SETD1B: variants seen among roughly 807,000 people sequenced by gnomAD.
The protein encoded by SETD1B is histone-lysine N-methyltransferase SETD1B.
In SETD1B, 7 loss-of-function variants were observed where a neutral mutation model predicts 148.0. The ratio of observed to expected loss-of-function variants is 0.05; its 90% CI spans 0.03 to 0.09. The LOEUF is 0.09. Among genes scored for constraint, SETD1B ranks in the 10% least tolerant of loss-of-function variants. The probability of loss-of-function intolerance (pLI) is 1.00; values close to 1 mark genes in which losing one functional copy is unlikely to be tolerated. For synonymous variants in SETD1B, 1,361 were observed against 1,186.5 expected, an observed-to-expected ratio of 1.15 and a Z score of -3.02; for missense variants, 2,155 against 2,729.9, an observed-to-expected ratio of 0.79 and a Z score of 4.69.
At chr12:121,807,308 G>A (rs1380968149) in intron 4 of SETD1B, among the ~76,000 whole-genome samples, 1 of 151,930 alleles carries the variant, frequency 6.6e-6, no homozygotes, top group South Asian at 2.1e-4. Flanking sequence ...GTCTCTGGGG[G>A]TTGGGGGGGC....
intron 13 of SETD1B, among the ~76,000 whole-genome samples, chr12:121,826,681 G>A (rs1464178381): frequency 6.6e-6 from 1 of 152,086 alleles, no homozygotes; most frequent in Non-Finnish European, 1.5e-5. Context: ...GGGGTCCTGA[G>A]GGCAGACTGT....
chr12:121,816,881 C>T (rs1876315227), intron 7 of SETD1B, among the ~76,000 whole-genome samples, 152 bp from the exon 8 acceptor site: 1 of 152,174 alleles, frequency 6.6e-6, no homozygotes, highest in Non-Finnish European at 1.5e-5. Context: ...TCGTGGGTAA[C>T]GGCATAGTGT....
At chr12:121,801,983 C>G (rs1875389855), upstream of SETD1B, 1 of 152,140 alleles carries the variant, frequency 6.6e-6, no homozygotes, top group Admixed American at 6.6e-5. Context: ...AATCTAGTTT[C>G]CTGTGACGGC....
Position 121,810,719 on chromosome 12 carries a change from C to A in SETD1B, c.1774C>A (p.Pro592Thr). ...EDEELDLGLGPRPPPEPGPPD... is the reference protein window; with the variant it reads ...EDEELDLGLGTRPPPEPGPPD... ...CGAGGAGCTCGACCTGGGCCTTGGG[C>A]CTCGGCCTCCACCTGAGCCAGGCCC... The change falls in exon 6 of 17, where the codon CCT (proline) becomes ACT (threonine). Residue 592 changes from proline (P) to threonine (T), a missense_variant. Physicochemically the swap from Pro to Thr is conservative, Grantham distance 38. Transcript: ENST00000604567. The surrounding 1 kb of genome is among the most constrained non-coding windows in gnomAD (Gnocchi z 7.6). 1.9e-6 allele frequency: 3 copies of A among 1,551,288 alleles called. No homozygotes were observed. The highest frequency in any genetic ancestry group is 1.7e-6 in the Non-Finnish European group (2 of 1,146,926).
intron 7 of SETD1B, 104 bp downstream of exon 7, chr12:121,815,034 G>A (rs547948767): frequency 4.8e-5 from 53 of 1,093,582 alleles, no homozygotes; most frequent in African/African-American, 2.5e-4. Flanking sequence ...AAACGCTGCC[G>A]TGGACCCCAC....
intron 13 of SETD1B, among the ~76,000 whole-genome samples, chr12:121,826,719 T>A (rs1229705230): frequency 2.0e-5 from 3 of 151,982 alleles, no homozygotes; most frequent in African/African-American, 7.3e-5. Context: ...CCAGACCGGA[T>A]GTGCCGGACT....
Position 121,818,275 on chromosome 12 carries a change from G to GTGATA in SETD1B, c.3418+371_3418+372insTGATA, listed in dbSNP as rs572145505. Among the ~76,000 whole-genome samples, 45 of 152,276 alleles carry GTGATA rather than the reference G, an allele frequency of 3.0e-4. 1 individual carries two copies. The East Asian group carries it at 7.5e-3, about 25-fold the overall frequency. ...TGCTGGAATTATCACTTTGTAACGA[G>GTGATA]CAGTTGGCCGGACGCAGTGGCTTAC... On this transcript the variant is annotated intron_variant, in intron 10 of 16. Transcript: ENST00000604567.
rs1355294839 is a variant in SETD1B, at chr12:121,808,744, G to C, written c.657+424G>C. Among the ~76,000 whole-genome samples the C allele has an allele frequency of 6.6e-6, 1 of 152,228 alleles. No individual in the cohort carries two copies. The highest frequency in any genetic ancestry group is 1.5e-5 in the Non-Finnish European group (1 of 68,040). ...TTCATGCCCTGCCTTCCAGAGCAAG[G>C]CTGACTCCTTCCAAACCACTGCCTT... On this transcript the variant is annotated intron_variant, in intron 5 of 16. Coordinates refer to ENST00000604567, the MANE Select transcript of SETD1B (RefSeq NM_001353345.2). This position sits in a 1 kb window ranked among gnomAD's most constrained non-coding sequence, Gnocchi z 5.3.
chr12:121,799,540 A>G (rs999115760), upstream of SETD1B: 1 of 152,298 alleles, frequency 6.6e-6, no homozygotes, highest in East Asian at 1.9e-4. Flanking sequence ...AGTAGGCGGC[A>G]CCCAGGGCCC....
In SETD1B at chr12:121,817,745, C is replaced by T. The variant is rs771862930; in HGVS notation, c.3312+41C>T. 72 of 1,535,992 alleles carry T rather than the reference C, an allele frequency of 4.7e-5. No homozygotes were observed. The highest frequency in any genetic ancestry group is 3.6e-4 in the Admixed American group (18 of 50,192). ...GGAAGCCTCAGGGGGCCGGGCCAGGCGACGAGGGCCAGACCCTTCGGCTCA... is the reference window on the plus strand; with the variant it reads ...GGAAGCCTCAGGGGGCCGGGCCAGGTGACGAGGGCCAGACCCTTCGGCTCA... On this transcript the variant is annotated intron_variant, in intron 9 of 16. Coordinates refer to ENST00000604567, the MANE Select transcript of SETD1B (RefSeq NM_001353345.2). This position sits in a 1 kb window ranked among gnomAD's most constrained non-coding sequence, Gnocchi z 8.1.
In SETD1B at chr12:121,827,958, G is replaced by A. The variant is rs1196752968; in HGVS notation, c.5615G>A (p.Arg1872His). 12 of 1,551,938 alleles carry A rather than the reference G, an allele frequency of 7.7e-6. No individual in the cohort carries two copies. The highest frequency in any genetic ancestry group is 3.6e-5 in the South Asian group (3 of 84,072). ...RQVIADMREK[R>H]YEDEGIGSSY... The stretch of plus-strand genomic sequence containing the variant: ...GTGATCGCAGACATGCGGGAGAAGC[G>A]TTATGAGGACGAGGGCATCGGGAGC... The change falls in exon 16 of 17, where the codon CGT becomes CAT. Residue 1872 changes from arginine to histidine, a missense_variant. Physicochemically the swap from Arg to His is conservative, Grantham distance 29. Transcript: ENST00000604567.
intron 6 of SETD1B, among the ~76,000 whole-genome samples, chr12:121,811,397 C>T (rs1177997143): frequency 1.3e-5 from 2 of 151,034 alleles, no homozygotes; most frequent in Admixed American, 1.3e-4. Flanking sequence ...CCCTTCTTCT[C>T]CCACTGGCTC....
At chr12:121,793,169 T>G in the SETD1B span, 2 of 1,550,198 alleles carry the variant, frequency 1.3e-6, no homozygotes, top group Admixed American at 2.0e-5. Flanking sequence ...GTCGTAGAGG[T>G]TCAGGGTCAC....
intron 16 of SETD1B, among the ~76,000 whole-genome samples, chr12:121,829,524 C>T (rs1349381829): frequency 6.6e-6 from 1 of 152,202 alleles, no homozygotes; most frequent in Non-Finnish European, 1.5e-5. Flanking sequence ...CCAGGGCTGC[C>T]ACTGGCAGAC....
In SETD1B at chr12:121,810,037, C is replaced by T. The variant is rs954293432; in HGVS notation, c.1092C>T (p.Ser364=). ...FGAVGGTGGS[S]GPPFKAQPQD... is the part of the protein sequence containing the mutation. Reference sequence around the variant, plus strand: ...CAGTCGGCGGCACTGGGGGCAGCAGCGGTCCCCCGTTCAAGGCTCAACCAC... The same window carrying T: ...CAGTCGGCGGCACTGGGGGCAGCAGTGGTCCCCCGTTCAAGGCTCAACCAC... Residue 364 remains serine (S), a synonymous_variant, in exon 6 of 17, where the codon AGC becomes AGT. Transcript: ENST00000604567. The surrounding 1 kb of genome is among the most constrained non-coding windows in gnomAD (Gnocchi z 7.6). 1.7e-5 allele frequency: 26 copies of T among 1,550,146 alleles called. No individual in the cohort carries two copies. The highest frequency in any genetic ancestry group is 5.5e-5 in the African/African-American group (4 of 73,004).
chr12:121,826,110 T>G (rs970477050), intron 13 of SETD1B, among the ~76,000 whole-genome samples: 1 of 152,130 alleles, frequency 6.6e-6, no homozygotes, highest in Non-Finnish European at 1.5e-5. Flanking sequence ...GGGGTCTCAC[T>G]CTGTAGCCCA....
intron 13 of SETD1B, among the ~76,000 whole-genome samples, chr12:121,826,148 C>T (rs1052432878): frequency 2.0e-5 from 3 of 152,050 alleles, no homozygotes; most frequent in Admixed American, 1.3e-4. Context: ...TGGGCTCAAG[C>T]GATCCTCCCG....
chr12:121,828,763 C>T (rs192509905), intron 16 of SETD1B, among the ~76,000 whole-genome samples: 10 of 152,288 alleles, frequency 6.6e-5, no homozygotes, highest in Admixed American at 4.6e-4. Context: ...GTCTCTTATG[C>T]CTGAGTTTCC....
rs980270646 is a variant in SETD1B, at chr12:121,805,499, G to A, written c.273+283G>A. On this transcript the variant is annotated intron_variant, in intron 3 of 16. Coordinates refer to ENST00000604567, the MANE Select transcript of SETD1B (RefSeq NM_001353345.2). The surrounding 1 kb of genome is among the most constrained non-coding windows in gnomAD (Gnocchi z 4.2). ...CTCCCCTCTCGCTAGCCCACTACAGGACAACTTCTTAAGCCTGAGGGGTCG... is the reference window on the plus strand; with the variant it reads ...CTCCCCTCTCGCTAGCCCACTACAGAACAACTTCTTAAGCCTGAGGGGTCG... 3.3e-5 allele frequency among the ~76,000 whole-genome samples: 5 copies of A among 152,176 alleles called. No homozygotes were observed. The highest frequency in any genetic ancestry group is 6.5e-5 in the Admixed American group (1 of 15,282).
Sources: allele counts gnomAD v4.1 joint callset (sites outside exome capture counted in the v4.1 genomes callset), GRCh38; gene constraint gnomAD v4.1.1; non-coding constraint Gnocchi (gnomAD v3.1); transcripts MANE v1.5; gene names NCBI Gene and HGNC (gene_info 2026-07-23, HGNC 2026-07-21).